The following DNAH9 variants were observed in gnomAD, a reference collection of about 807,000 sequenced individuals.
DNAH9 encodes DNAH9 variant protein.
Under a neutral mutation model 471.6 loss-of-function variants are expected in DNAH9, and 345 were observed. The ratio of observed to expected loss-of-function variants is 0.73; its 90% CI spans 0.67 to 0.80. DNAH9 has a LOEUF of 0.80. DNAH9 is among the 30% of genes least tolerant of loss of function. DNAH9 has a pLI of 0.00. For synonymous variants in DNAH9, 2,093 were observed against 2,123.6 expected (o/e 0.99, Z 0.40); for missense variants, 5,407 against 5,609.2 (o/e 0.96, Z 1.15).
chr17:11,787,953 C>A (rs1253700976), intron 41 of DNAH9, among the ~76,000 whole-genome samples: 1 of 152,188 alleles, frequency 6.6e-6, no homozygotes, highest in Non-Finnish European at 1.5e-5. Flanking sequence ...CTTTTCCTCC[C>A]AGTCTCAGGT....
intron 22 of DNAH9, among the ~76,000 whole-genome samples, chr17:11,699,164 G>T (rs1042822625): frequency 5.3e-5 from 8 of 152,132 alleles, no homozygotes; most frequent in Admixed American, 2.6e-4. Context: ...CAGGAGAATC[G>T]CTTGAACCTG....
intron 4 of DNAH9, among the ~76,000 whole-genome samples, chr17:11,615,119 T>G (rs2072715076): frequency 6.6e-6 from 1 of 152,128 alleles, no homozygotes; most frequent in African/African-American, 2.4e-5. Flanking sequence ...CGAAGTCAAA[T>G]TGGTAGCCTA....
chr17:11,667,922 A>T (rs1567704281), intron 15 of DNAH9, among the ~76,000 whole-genome samples: 2 of 152,234 alleles, frequency 1.3e-5, no homozygotes, highest in Non-Finnish European at 2.9e-5. Flanking sequence ...ATTTCAAGGG[A>T]AGAAGACAAC....
At chr17:11,734,080 G>A (rs1441910932) in intron 28 of DNAH9, among the ~76,000 whole-genome samples, 1 of 151,986 alleles carries the variant, frequency 6.6e-6, no homozygotes, top group East Asian at 1.9e-4. Flanking sequence ...TGCCCTGAGA[G>A]TGACAGCAGA....
intron 61 of DNAH9, among the ~76,000 whole-genome samples, chr17:11,914,853 T>A (rs1161958995): frequency 6.6e-6 from 1 of 152,196 alleles, no homozygotes; most frequent in South Asian, 2.1e-4. Context: ...AGTCAGCCTG[T>A]CATTTCAAGT....
At chr17:11,839,556 T>C (rs949130317) in intron 49 of DNAH9, among the ~76,000 whole-genome samples, 4 of 151,798 alleles carry the variant, frequency 2.6e-5, no homozygotes, top group Admixed American at 6.6e-5. Context: ...GTATAGAATA[T>C]ATAGGGTCAA....
At chr17:11,694,640 T>TGCTTTCTCGCTTTCTCGCTTTCTC in intron 22 of DNAH9, among the ~76,000 whole-genome samples, 193 bp downstream of exon 22, 1 of 2,672 alleles carries the variant, frequency 3.7e-4, no homozygotes, top group African/African-American at 5.6e-4. Context: ...CTTGCTTTCT[T>TGCTTTCTCGCTTTCTCGCTTTCTC]GCTTTCTCGC....
chr17:11,663,037 G>A (rs2073802613), intron 14 of DNAH9, among the ~76,000 whole-genome samples: 2 of 152,076 alleles, frequency 1.3e-5, no homozygotes, highest in South Asian at 4.1e-4. Context: ...TTACAGGCGT[G>A]AGCCACCGCG....
At chr17:11,748,741 C>T (rs1269791316) in intron 32 of DNAH9, among the ~76,000 whole-genome samples, 1 of 152,042 alleles carries the variant, frequency 6.6e-6, no homozygotes, top group African/African-American at 2.4e-5. Flanking sequence ...CACTGGAGGA[C>T]AGCAGAAAAG....
At chr17:11,749,623 T>G (rs1192517582) in intron 32 of DNAH9, among the ~76,000 whole-genome samples, 1 of 152,008 alleles carries the variant, frequency 6.6e-6, no homozygotes, top group Non-Finnish European at 1.5e-5. Flanking sequence ...ATTAACATTT[T>G]TTATCCATCT....
chr17:11,676,917 G>C (rs887832426), intron 17 of DNAH9, among the ~76,000 whole-genome samples: 36 of 151,968 alleles, frequency 2.4e-4, no homozygotes, highest in African/African-American at 7.0e-4. Context: ...AATGGGTTTA[G>C]ATTTTTTAAT....
At chr17:11,765,076 C>G (rs1967875226) in intron 36 of DNAH9, among the ~76,000 whole-genome samples, 1 of 152,206 alleles carries the variant, frequency 6.6e-6, no homozygotes, top group South Asian at 2.1e-4. Flanking sequence ...CTCTACCTTA[C>G]TCTCCCCATG....
rs1375943309 is a variant in DNAH9 at position 11,863,893 on chromosome 17, C to G, written c.9934-5241C>G. Reference sequence around the variant, plus strand: ...TCCCCTTTATCATTTTTTATTGCGTCTATTTGATTCTTCTCTCCTTTTTTC... The same window carrying G: ...TCCCCTTTATCATTTTTTATTGCGTGTATTTGATTCTTCTCTCCTTTTTTC... On this transcript the variant is annotated intron_variant, in intron 50 of 68. Transcript: ENST00000262442. Among the ~76,000 whole-genome samples the G allele has an allele frequency of 3.4e-5, 5 of 148,880 alleles. No homozygotes were observed. The East Asian group carries it at 9.7e-4, about 29-fold the overall frequency.
chr17:11,662,641 T>C (rs1429502782), intron 14 of DNAH9, among the ~76,000 whole-genome samples: 1 of 145,580 alleles, frequency 6.9e-6, no homozygotes, highest in Non-Finnish European at 1.5e-5. Context: ...TGGAGGCCAC[T>C]TGAATGCCAC....
intron 52 of DNAH9, among the ~76,000 whole-genome samples, chr17:11,873,020 C>T (rs904955292): frequency 6.6e-6 from 1 of 152,172 alleles, no homozygotes; most frequent in Non-Finnish European, 1.5e-5. Flanking sequence ...GTAAGTAGAA[C>T]CTTAGAACAA....
chr17:11,828,202 G>A (rs544998180), intron 48 of DNAH9, among the ~76,000 whole-genome samples: 21 of 152,160 alleles, frequency 1.4e-4, no homozygotes, highest in African/African-American at 2.9e-4. Flanking sequence ...GGCTGGGTGC[G>A]GTGGCTCACA....
intron 1 of DNAH9, among the ~76,000 whole-genome samples, chr17:11,603,987 G>T (rs2072442629): frequency 6.6e-6 from 1 of 150,670 alleles, no homozygotes; most frequent in African/African-American, 2.4e-5. Context: ...CTATCACCAT[G>T]GCTATCACCA....
chr17:11,900,514 A>G (rs956084387), intron 59 of DNAH9, among the ~76,000 whole-genome samples: 1 of 151,418 alleles, frequency 6.6e-6, no homozygotes, highest in African/African-American at 2.4e-5. Flanking sequence ...AAAAAAAAAA[A>G]AAAAATTCCC....
intron 45 of DNAH9, among the ~76,000 whole-genome samples, chr17:11,818,056 A>G (rs886320165): frequency 6.6e-6 from 1 of 152,212 alleles, no homozygotes; most frequent in African/African-American, 2.4e-5. Context: ...AATGACTGAT[A>G]CAATCACAAT....
Sources: gnomAD v4.1 joint callset for allele counts (sites outside exome capture counted in the v4.1 genomes callset) on GRCh38, gnomAD v4.1.1 for gene constraint, MANE v1.5 for transcripts, NCBI Gene and HGNC (gene_info 2026-07-23, HGNC 2026-07-21) for gene names.